The following SLC24A2 variants were observed in gnomAD, a reference collection of about 807,000 sequenced individuals.
The protein encoded by SLC24A2 is sodium/potassium/calcium exchanger 2.
Under a neutral mutation model 62.0 loss-of-function variants are expected in SLC24A2, and 36 were observed. The observed-to-expected ratio is 0.58, with a 90% confidence interval of 0.44 to 0.77. SLC24A2 has a LOEUF of 0.77. SLC24A2 is among the 30% of genes least tolerant of loss of function. The probability of loss-of-function intolerance (pLI) is 0.00; values close to 1 mark genes in which losing one functional copy is unlikely to be tolerated. For synonymous variants in SLC24A2, 358 were observed against 294.0 expected (o/e 1.22, Z -2.23); for missense variants, 846 against 817.9 (o/e 1.03, Z -0.42).
intron 2 of SLC24A2, among the ~76,000 whole-genome samples, chr9:19,636,320 TTTCTTTCTTTC>T (rs1564009726): frequency 9.4e-5 from 2 of 21,354 alleles, no homozygotes; most frequent in African/African-American, 1.6e-4. Context: ...TTTTCTTTTC[TTTCTTTCTTTC>T]TTTCTTTCTT....
the SLC24A2 span, among the ~76,000 whole-genome samples, chr9:20,005,743 A>G: frequency 2.0e-5 from 3 of 152,010 alleles, no homozygotes; most frequent in African/African-American, 7.2e-5. Flanking sequence ...TTTGTAGAAC[A>G]TGAAATTATG....
At chr9:19,714,253 G>A (rs1820795041) in intron 2 of SLC24A2, among the ~76,000 whole-genome samples, 1 of 152,108 alleles carries the variant, frequency 6.6e-6, no homozygotes, top group Admixed American at 6.5e-5. Context: ...AAGGGTGGGT[G>A]CAAGTCTCAG....
At chr9:19,960,808 T>C in the SLC24A2 span, among the ~76,000 whole-genome samples, 1 of 152,184 alleles carries the variant, frequency 6.6e-6, no homozygotes, top group Admixed American at 6.5e-5. Context: ...AGTATTTACT[T>C]CACAGGGTTG....
intron 9 of SLC24A2, among the ~76,000 whole-genome samples, chr9:19,525,613 AGGC>A (rs926490391): frequency 2.0e-5 from 3 of 151,504 alleles, no homozygotes; most frequent in African/African-American, 7.3e-5. Flanking sequence ...CATGTTGCCC[AGGC>A]TGATCTCGAA....
chr9:20,134,256 T>G, the SLC24A2 span, among the ~76,000 whole-genome samples: 1 of 152,308 alleles, frequency 6.6e-6, no homozygotes, highest in Admixed American at 6.5e-5. Context: ...TACTGCCTAT[T>G]ACAAAGATAG....
chr9:19,626,427 T>G (rs1246673816), intron 2 of SLC24A2, among the ~76,000 whole-genome samples: 1 of 152,208 alleles, frequency 6.6e-6, no homozygotes, highest in African/African-American at 2.4e-5. Context: ...GGATTTTTTT[T>G]TGGTCAATGA....
At chr9:19,699,729 G>A (rs1401543265) in intron 2 of SLC24A2, among the ~76,000 whole-genome samples, 1 of 152,124 alleles carries the variant, frequency 6.6e-6, no homozygotes, top group East Asian at 1.9e-4. Flanking sequence ...TATTACAGAT[G>A]ATTTTTATTT....
At chr9:19,645,201 A>T (rs1818607727) in intron 2 of SLC24A2, among the ~76,000 whole-genome samples, 1 of 152,206 alleles carries the variant, frequency 6.6e-6, no homozygotes, top group Non-Finnish European at 1.5e-5. Flanking sequence ...CAGCTCCTAG[A>T]GATTACCTTA....
At chr9:20,280,602 GTTT>G in the SLC24A2 span, among the ~76,000 whole-genome samples, 1 of 152,260 alleles carries the variant, frequency 6.6e-6, no homozygotes, top group Non-Finnish European at 1.5e-5. Flanking sequence ...TTATGGTTTC[GTTT>G]TTGTTTTCAT....
chr9:19,723,389 C>T (rs1821082843), intron 2 of SLC24A2, among the ~76,000 whole-genome samples: 1 of 152,124 alleles, frequency 6.6e-6, no homozygotes, highest in South Asian at 2.1e-4. Context: ...CACAGGACAT[C>T]TGGTACTCTC....
chr9:19,740,961 G>A (rs1821658448), intron 2 of SLC24A2, among the ~76,000 whole-genome samples: 2 of 151,796 alleles, frequency 1.3e-5, no homozygotes, highest in African/African-American at 4.8e-5. Flanking sequence ...CTGAACCATT[G>A]AATCACAGTT....
chr9:19,990,931 ATATATGTATG>A, the SLC24A2 span, among the ~76,000 whole-genome samples: 2 of 119,494 alleles, frequency 1.7e-5, no homozygotes, highest in South Asian at 4.8e-4. Context: ...GGATATATAT[ATATATGTATG>A]TATATGTATG....
At chr9:19,894,084 G>C in the SLC24A2 span, among the ~76,000 whole-genome samples, 1 of 152,184 alleles carries the variant, frequency 6.6e-6, no homozygotes, top group Non-Finnish European at 1.5e-5. Flanking sequence ...GTGGCTACGT[G>C]TCCAGCTAAA....
chr9:20,237,513 G>C, the SLC24A2 span, among the ~76,000 whole-genome samples: 3 of 152,170 alleles, frequency 2.0e-5, no homozygotes, highest in Non-Finnish European at 4.4e-5. Context: ...AAGAAGAAAG[G>C]AAGAAACTTG....
chr9:20,305,532 T>C, the SLC24A2 span, among the ~76,000 whole-genome samples: 2 of 152,224 alleles, frequency 1.3e-5, no homozygotes, highest in South Asian at 4.1e-4. Flanking sequence ...GCTGTCGTTT[T>C]TGTCTTAAAC....
the SLC24A2 span, among the ~76,000 whole-genome samples, chr9:20,131,047 T>C: frequency 2.6e-5 from 4 of 152,140 alleles, no homozygotes; most frequent in East Asian, 7.7e-4. Context: ...AGATTTCTTC[T>C]ATTTTCAAGA....
intron 2 of SLC24A2, among the ~76,000 whole-genome samples, chr9:19,722,778 C>A (rs1408246120): frequency 6.6e-6 from 1 of 151,964 alleles, no homozygotes; most frequent in Non-Finnish European, 1.5e-5. Context: ...AGAAGATGAC[C>A]CCCAAACAAT....
chr9:19,935,216 G>C, the SLC24A2 span, among the ~76,000 whole-genome samples: 2 of 151,508 alleles, frequency 1.3e-5, no homozygotes, highest in South Asian at 4.2e-4. Flanking sequence ...ATTGGAAATC[G>C]GGATTGGGGG....
the SLC24A2 span, among the ~76,000 whole-genome samples, chr9:20,304,601 C>T: frequency 6.6e-6 from 1 of 152,088 alleles, no homozygotes; most frequent in South Asian, 2.1e-4. Flanking sequence ...GCCTACTTTA[C>T]CCATCAGAAT....
Sources: gnomAD v4.1 joint callset for allele counts (sites outside exome capture counted in the v4.1 genomes callset) on GRCh38, gnomAD v4.1.1 for gene constraint, MANE v1.5 for transcripts, NCBI Gene and HGNC (gene_info 2026-07-23, HGNC 2026-07-21) for gene names.